The following CNGB3 variants were observed in gnomAD, a reference collection of about 807,000 sequenced individuals.
CNGB3 encodes cyclic nucleotide gated channel subunit beta 3, also known as cyclic nucleotide-gated channel beta-3.
A neutral mutation model predicts 92.8 loss-of-function variants in CNGB3; 86 were observed. The ratio of observed to expected loss-of-function variants is 0.93; its 90% CI spans 0.78 to 1.11. The LOEUF is 1.11. Among genes scored for constraint, CNGB3 ranks in the 50% least tolerant of loss-of-function variants. The pLI is 0.00. For synonymous variants in CNGB3, 333 were observed against 332.7 expected, an observed-to-expected ratio of 1.00 and a Z score of -0.01; for missense variants, 1,026 against 956.8, an observed-to-expected ratio of 1.07 and a Z score of -0.95.
intron 3 of CNGB3, among the ~76,000 whole-genome samples, chr8:86,706,491 A>G (rs1824654589): frequency 6.6e-6 from 1 of 152,234 alleles, no homozygotes; most frequent in Non-Finnish European, 1.5e-5. Context: ...TAAAAGTGCA[A>G]CAGCCTTGAG....
chr8:86,686,798 C>T (rs1824196899), intron 3 of CNGB3, among the ~76,000 whole-genome samples: 1 of 151,930 alleles, frequency 6.6e-6, no homozygotes, highest in Non-Finnish European at 1.5e-5. Flanking sequence ...GATCACAGTA[C>T]CACAGCTGGA....
intron 7 of CNGB3, among the ~76,000 whole-genome samples, chr8:86,648,735 T>G (rs867420398): frequency 6.6e-6 from 1 of 150,968 alleles, no homozygotes; most frequent in African/African-American, 2.4e-5. Flanking sequence ...TTTAAGACAA[T>G]TAAGAGCAGT....
intron 7 of CNGB3, among the ~76,000 whole-genome samples, chr8:86,652,835 G>A (rs569890177): frequency 1.8e-4 from 27 of 152,164 alleles, no homozygotes; most frequent in African/African-American, 6.5e-4. Flanking sequence ...ATTCATAGGA[G>A]TACATTCCGA....
intron 11 of CNGB3, among the ~76,000 whole-genome samples, chr8:86,629,528 T>C (rs1437990905): frequency 1.3e-5 from 2 of 152,246 alleles, no homozygotes; most frequent in Non-Finnish European, 2.9e-5. Flanking sequence ...GCAGAATGGC[T>C]AGTCCATTTT....
intron 2 of CNGB3, among the ~76,000 whole-genome samples, chr8:86,731,064 AG>A (rs1825147111): frequency 6.6e-6 from 1 of 152,246 alleles, no homozygotes; most frequent in South Asian, 2.1e-4. Context: ...GTGACCTAAT[AG>A]TTATTTCAAA....
chr8:86,742,816 G>A (rs1378463354), intron 1 of CNGB3, among the ~76,000 whole-genome samples: 2 of 152,034 alleles, frequency 1.3e-5, no homozygotes, highest in Admixed American at 6.6e-5. Context: ...ACTGTCTCTA[G>A]TTCTCATAAC....
At chr8:86,719,245 T>G (rs1167494051) in intron 3 of CNGB3, among the ~76,000 whole-genome samples, 1 of 152,120 alleles carries the variant, frequency 6.6e-6, no homozygotes, top group Admixed American at 6.6e-5. Flanking sequence ...TATTTGCTGA[T>G]GATATAATCT....
chr8:86,619,336 C>A (rs993207763), intron 13 of CNGB3, among the ~76,000 whole-genome samples: 3 of 152,090 alleles, frequency 2.0e-5, no homozygotes, highest in African/African-American at 7.2e-5. Flanking sequence ...GGGGAAATTG[C>A]CCATCTCATA....
intron 3 of CNGB3, among the ~76,000 whole-genome samples, chr8:86,687,084 C>T (rs1586015985): frequency 6.6e-6 from 1 of 152,064 alleles, no homozygotes; most frequent in Admixed American, 6.6e-5. Context: ...TCCAGGAGTA[C>T]CACTTCACAC....
At chr8:86,601,714 T>C (rs1235803697) in intron 15 of CNGB3, among the ~76,000 whole-genome samples, 2 of 152,154 alleles carry the variant, frequency 1.3e-5, no homozygotes, top group African/African-American at 4.8e-5. Flanking sequence ...ATATGACAGC[T>C]GTGGGCCTGT....
At chr8:86,599,642 T>C (rs2131555008) in intron 15 of CNGB3, among the ~76,000 whole-genome samples, 1 of 152,264 alleles carries the variant, frequency 6.6e-6, no homozygotes, top group East Asian at 1.9e-4. Flanking sequence ...TCTTTTACGG[T>C]CGCAGCTGTA....
rs16916632 is a variant in CNGB3, at chr8:86,668,054, C to T, written c.608G>A (p.Arg203Gln). 15,296 of 1,613,782 alleles carry T rather than the reference C, an allele frequency of 9.5e-3. 1,054 individuals carry two copies. In the African/African-American group the frequency reaches 0.16, roughly 17 times the overall value. Residue 203 changes from arginine to glutamine, a missense_variant, in exon 5 of 18, where the codon CGA becomes CAA. Arg to Gln is a conservative substitution (Grantham distance 43, BLOSUM62 1). Coordinates refer to ENST00000320005, the MANE Select transcript of CNGB3 (RefSeq NM_019098.5). ...KKMPLTEYLK[R>Q]IKLPNSIDSY... ...ATCTATGCTGTTTGGAAGTTTAATT[C>T]GCTTTAAGTACTCTGTTAAAGGCAT...
chr8:86,611,744 G>T (rs1822527397), intron 13 of CNGB3, 73 bp from the exon 14 acceptor site: 1 of 1,058,048 alleles, frequency 9.5e-7, no homozygotes, highest in Non-Finnish European at 1.5e-6. Flanking sequence ...AAAACTCAAT[G>T]AAAATAAACA....
chr8:86,693,923 G>A (rs1430769700), intron 3 of CNGB3, among the ~76,000 whole-genome samples: 6 of 130,912 alleles, frequency 4.6e-5, no homozygotes, highest in African/African-American at 1.1e-4. Context: ...CCACAAAACC[G>A]CCATTGTCAT....
At chr8:86,631,780 T>G (rs116057187) in intron 11 of CNGB3, among the ~76,000 whole-genome samples, 2,630 of 152,264 alleles carry the variant, frequency 0.017, 75 homozygotes, top group African/African-American at 0.061. Context: ...TGTATTTCAT[T>G]AACATGTTAA....
At chr8:86,647,930 C>T (rs1269934917) in intron 7 of CNGB3, 43 bp from the exon 8 acceptor site, 12 of 1,149,106 alleles carry the variant, frequency 1.0e-5, no homozygotes, top group African/African-American at 3.1e-5. Flanking sequence ...GTTTACATGC[C>T]TTTCTGGGAA....
intron 13 of CNGB3, among the ~76,000 whole-genome samples, chr8:86,619,235 A>G (rs1053508582): frequency 2.0e-5 from 3 of 152,214 alleles, no homozygotes; most frequent in Non-Finnish European, 4.4e-5. Flanking sequence ...CTGGTAATGC[A>G]GTAGTAGAGG....
At chr8:86,660,956 A>G (rs969758185) in intron 6 of CNGB3, among the ~76,000 whole-genome samples, 6 of 152,162 alleles carry the variant, frequency 3.9e-5, no homozygotes, top group African/African-American at 1.2e-4. Context: ...GTTAGGAGCC[A>G]TGGTCCAGAA....
intron 3 of CNGB3, among the ~76,000 whole-genome samples, chr8:86,698,322 T>C (rs1029714112): frequency 3.6e-4 from 55 of 152,346 alleles, no homozygotes; most frequent in African/African-American, 1.3e-3. Flanking sequence ...CAGATTTGAA[T>C]CTACCTTTGT....
Sources: allele counts gnomAD v4.1 joint callset (sites outside exome capture counted in the v4.1 genomes callset), GRCh38; gene constraint gnomAD v4.1.1; transcripts MANE v1.5; gene names NCBI Gene and HGNC (gene_info 2026-07-23, HGNC 2026-07-21).